The following KCTD14 variants were observed in gnomAD, a reference collection of about 807,000 sequenced individuals.
KCTD14 encodes potassium channel tetramerization domain containing 14, also known as BTB/POZ domain-containing protein KCTD14.
Under a neutral mutation model 5.9 loss-of-function variants are expected in KCTD14, and 7 were observed. The observed-to-expected ratio is 1.19, with a 90% CI of 0.68 to 2.23. The LOEUF (loss-of-function observed/expected upper bound fraction) is 2.23, where lower values mean the gene tolerates loss of function less well. KCTD14 is among the 30% of genes most tolerant of loss of function. The pLI is 0.00. For synonymous variants in KCTD14, 140 were observed against 133.1 expected (o/e 1.05, Z -0.36); for missense variants, 342 against 332.2 (o/e 1.03, Z -0.23).
chr11:78,021,617 C>A (rs1024262552), intron 1 of KCTD14, among the ~76,000 whole-genome samples: 1 of 152,030 alleles, frequency 6.6e-6, no homozygotes, highest in Non-Finnish European at 1.5e-5. Context: ...CAGGGTTTTG[C>A]CATGTTGGCC....
upstream of KCTD14, among the ~76,000 whole-genome samples, chr11:78,025,108 GTGTGTGTGTGTATATATATATA>G (rs1258357840): frequency 7.4e-5 from 5 of 67,556 alleles, no homozygotes; most frequent in African/African-American, 3.2e-4. Context: ...GTGTGTGTGT[GTGTGTGTGTGTATATATATATA>G]TATATATATA....
chr11:78,017,835 G>A lies in KCTD14; in HGVS notation c.91-565C>T, dbSNP rs1390001699. On this transcript the variant is annotated intron_variant, in intron 1 of 1. Transcript: ENST00000353172. ...GAGGAGGCCAGGCACGGTGGCTCAC[G>A]CCTGTAATCCCAGCACTTTGGGAGG... Among the ~76,000 whole-genome samples, 4 of 152,222 alleles carry A rather than the reference G, an allele frequency of 2.6e-5. No individual in the cohort carries two copies. In the South Asian group the frequency reaches 6.2e-4, roughly 24 times the overall value.
At chr11:78,027,643 G>C (rs1340158414), upstream of KCTD14, among the ~76,000 whole-genome samples, 1 of 151,966 alleles carries the variant, frequency 6.6e-6, no homozygotes, top group Admixed American at 6.6e-5. Context: ...TTACAGGCGT[G>C]AGCCACCACT....
intron 2 of KCTD14, chr11:78,038,550 C>A (rs1189486100): frequency 4.7e-6 from 6 of 1,274,764 alleles, no homozygotes; most frequent in Non-Finnish European, 6.5e-6. Flanking sequence ...TCCCCGCTCA[C>A]TGGCTCCCCA....
intron 1 of KCTD14, among the ~76,000 whole-genome samples, chr11:78,020,435 G>A (rs1275845834): frequency 1.3e-5 from 2 of 152,236 alleles, no homozygotes; most frequent in Non-Finnish European, 2.9e-5. Context: ...CTGCTGACTG[G>A]AAGGGAGAAG....
upstream of KCTD14, among the ~76,000 whole-genome samples, chr11:78,027,413 A>C (rs1328807888): frequency 3.6e-5 from 5 of 139,152 alleles, no homozygotes; most frequent in African/African-American, 1.3e-4. Flanking sequence ...ACCAGGCTGA[A>C]GTGCAGCGGT....
At chr11:78,031,869 G>A (rs924573562) in intron 2 of KCTD14, among the ~76,000 whole-genome samples, 7 of 152,214 alleles carry the variant, frequency 4.6e-5, no homozygotes, top group African/African-American at 1.7e-4. Flanking sequence ...CCAGTGCTCT[G>A]AGAAGAAAGT....
At chr11:78,019,499 T>A (rs1857258017) in intron 1 of KCTD14, among the ~76,000 whole-genome samples, 1 of 151,702 alleles carries the variant, frequency 6.6e-6, no homozygotes, top group South Asian at 2.1e-4. Flanking sequence ...AAAAATTTTT[T>A]TAGAGACGGG....
At chr11:78,025,486 C>T (rs554486751), upstream of KCTD14, among the ~76,000 whole-genome samples, 139 of 152,248 alleles carry the variant, frequency 9.1e-4, no homozygotes, top group African/African-American at 3.1e-3. Context: ...CAGGCACACC[C>T]AGGATCAATA....
At chr11:78,029,008 A>T (rs1857544322) in intron 2 of KCTD14, among the ~76,000 whole-genome samples, 2 of 152,120 alleles carry the variant, frequency 1.3e-5, no homozygotes, top group Non-Finnish European at 1.5e-5. Context: ...AATATGGTGA[A>T]ACCCCATCTC....
intron 1 of KCTD14, among the ~76,000 whole-genome samples, chr11:78,020,872 C>T (rs552558044): frequency 6.4e-4 from 98 of 152,284 alleles, no homozygotes; most frequent in African/African-American, 2.3e-3. Flanking sequence ...CTTTGCTTTC[C>T]GTCTCTGGAA....
At chr11:78,021,789 T>C (rs1342737318) in intron 1 of KCTD14, among the ~76,000 whole-genome samples, 1 of 152,062 alleles carries the variant, frequency 6.6e-6, no homozygotes, top group Non-Finnish European at 1.5e-5. Context: ...AACTTTTCAT[T>C]CCCTTCCAGA....
chr11:78,025,220 C>T (rs1198612223), upstream of KCTD14, among the ~76,000 whole-genome samples: 1 of 148,334 alleles, frequency 6.7e-6, no homozygotes, highest in Non-Finnish European at 1.5e-5. Context: ...CATTGGCAGG[C>T]TGAGAAGCAA....
intron 1 of KCTD14, among the ~76,000 whole-genome samples, chr11:78,042,969 A>C (rs928443533): frequency 6.6e-6 from 1 of 152,220 alleles, no homozygotes; most frequent in East Asian, 1.9e-4. Context: ...GGCCGGTGCC[A>C]TGTTGCCTGC....
Position 78,016,490 on chromosome 11 carries a change from G to A in KCTD14, c.*103C>T. Reference sequence around the variant, plus strand: ...AGTGGCAAGACTCTAGACCAACCCTGGAAATTGCCTGATGTTTGTGAAATT... The same window carrying A: ...AGTGGCAAGACTCTAGACCAACCCTAGAAATTGCCTGATGTTTGTGAAATT... On this transcript the variant is annotated 3_prime_UTR_variant, in exon 2 of 2. Coordinates refer to ENST00000353172, the MANE Select transcript of KCTD14 (RefSeq NM_023930.4). The A allele has an allele frequency of 2.0e-6, 2 of 1,024,402 alleles. No individual in the cohort carries two copies. Among genetic ancestry groups the A allele is most frequent in the Non-Finnish European group, 2.8e-6 (2 of 703,164 alleles). 63.5% of individuals were successfully genotyped at this position (1,024,402 alleles called of 1,614,324 possible). A position where few individuals can be genotyped will look rare whatever the true frequency, so the allele number is the denominator to read the frequency against.
chr11:78,033,020 C>A (rs994162654), intron 2 of KCTD14, among the ~76,000 whole-genome samples: 2 of 152,080 alleles, frequency 1.3e-5, no homozygotes, highest in Non-Finnish European at 2.9e-5. Context: ...TGCTGTCAGA[C>A]CTGGGGCCTC....
intron 1 of KCTD14, among the ~76,000 whole-genome samples, chr11:78,045,604 C>G (rs957569134): frequency 2.0e-5 from 3 of 152,188 alleles, no homozygotes; most frequent in Non-Finnish European, 2.9e-5. Flanking sequence ...CCAAAGTTAG[C>G]TTGGCCTAAA....
chr11:78,025,112 G>GTATATA (rs1248888633), upstream of KCTD14, among the ~76,000 whole-genome samples: 3 of 68,682 alleles, frequency 4.4e-5, no homozygotes, highest in Non-Finnish European at 8.2e-5. Flanking sequence ...GTGTGTGTGT[G>GTATATA]TGTGTGTATA....
intron 1 of KCTD14, among the ~76,000 whole-genome samples, chr11:78,043,791 C>A (rs1281515378): frequency 6.6e-6 from 1 of 152,232 alleles, no homozygotes; most frequent in African/African-American, 2.4e-5. Flanking sequence ...ACTCAGGGAA[C>A]TGATGGCAGC....
Sources: gnomAD v4.1 joint callset for allele counts (sites outside exome capture counted in the v4.1 genomes callset) on GRCh38, gnomAD v4.1.1 for gene constraint, MANE v1.5 for transcripts, NCBI Gene and HGNC (gene_info 2026-07-23, HGNC 2026-07-21) for gene names.